MAP3K20: variants seen among roughly 807,000 people sequenced by gnomAD.
MAP3K20 encodes the protein mitogen-activated protein kinase kinase kinase 20, also known as HCCS-4.
A neutral mutation model predicts 85.7 loss-of-function variants in MAP3K20; 40 were observed. The ratio of observed to expected loss-of-function variants is 0.47; its 90% CI spans 0.36 to 0.61. The LOEUF (loss-of-function observed/expected upper bound fraction) is 0.61. Among genes scored for constraint, MAP3K20 ranks in the 20% least tolerant of loss-of-function variants. The pLI, the probability that MAP3K20 is intolerant of heterozygous loss-of-function variation, is 0.00. For missense variants in MAP3K20, 817 were observed against 961.7 expected (o/e 0.85, Z 1.99); for synonymous variants, 325 against 327.7 (o/e 0.99, Z 0.09).
chr2:173,234,676 G>A (rs1206707267), intron 14 of MAP3K20, among the ~76,000 whole-genome samples: 2 of 152,170 alleles, frequency 1.3e-5, no homozygotes, highest in African/African-American at 4.8e-5. Context: ...GAATGTGGAG[G>A]AACAGAAAAG....
intron 1 of MAP3K20, among the ~76,000 whole-genome samples, chr2:173,076,208 A>G (rs1018830942): frequency 8.6e-5 from 13 of 151,436 alleles, no homozygotes; most frequent in Non-Finnish European, 1.0e-4. Flanking sequence ...CGAGCGAGCG[A>G]GCGTTCGCGG....
At chr2:173,262,558 C>G (rs1260417027) in intron 18 of MAP3K20, among the ~76,000 whole-genome samples, 1 of 151,778 alleles carries the variant, frequency 6.6e-6, no homozygotes, top group Admixed American at 6.6e-5. Flanking sequence ...TGAGATTGCG[C>G]CATTGCACTC....
intron 5 of MAP3K20, among the ~76,000 whole-genome samples, chr2:173,189,577 AT>A (rs1352445017): frequency 6.6e-6 from 1 of 152,138 alleles, no homozygotes; most frequent in African/African-American, 2.4e-5. Flanking sequence ...CCACATAGAT[AT>A]TTTTTAAGAC....
At chr2:173,167,069 C>T (rs1471765798) in intron 2 of MAP3K20, among the ~76,000 whole-genome samples, 1 of 151,980 alleles carries the variant, frequency 6.6e-6, no homozygotes, top group Non-Finnish European at 1.5e-5. Context: ...CCCGCTACCA[C>T]GCCCGGCTAA....
At chr2:173,161,642 A>G (rs1689660946) in intron 2 of MAP3K20, among the ~76,000 whole-genome samples, 2 of 152,222 alleles carry the variant, frequency 1.3e-5, no homozygotes, top group Non-Finnish European at 2.9e-5. Flanking sequence ...GTAGCAGACC[A>G]TAGGAGCAGA....
At chr2:173,225,921 GA>G (rs1327606300) in intron 11 of MAP3K20, 14 of 858,192 alleles carry the variant, frequency 1.6e-5, no homozygotes, top group South Asian at 1.0e-4. Context: ...AAAAAAAAAA[GA>G]AAAAAAACTC....
rs1035630146 is a variant in MAP3K20 at position 173,224,619 on chromosome 2, C to T, written c.988-5070C>T. ...GGAATTAGAATACAGCAGAATTGGC[C>T]TCAGTGAAGAGCTTAAAATTGTTCT... On this transcript the variant is annotated intron_variant, in intron 11 of 19. Coordinates refer to ENST00000375213, the MANE Select transcript of MAP3K20 (RefSeq NM_016653.3). 3.0e-6 allele frequency: 3 copies of T among 985,064 alleles called. No individual in the cohort carries two copies. In the African/African-American group the frequency reaches 5.2e-5, roughly 17 times the overall value. The allele number at this position is 985,064 out of a possible 1,614,324, so 61.0% of individuals were successfully genotyped here.
At chr2:173,105,689 T>C (rs997037255) in intron 2 of MAP3K20, among the ~76,000 whole-genome samples, 3 of 152,136 alleles carry the variant, frequency 2.0e-5, no homozygotes, top group East Asian at 1.9e-4. Flanking sequence ...ATTCCACTTA[T>C]ATGAGGTACC....
intron 2 of MAP3K20, among the ~76,000 whole-genome samples, chr2:173,104,037 A>G (rs1374150194): frequency 2.0e-5 from 3 of 152,220 alleles, no homozygotes; most frequent in African/African-American, 4.8e-5. Context: ...AATGTGGGGA[A>G]TAAGAAAATA....
chr2:173,263,726 C>CGTTT lies in MAP3K20; in HGVS notation c.1552-10_1552-7dup. 6.3e-7 allele frequency: 1 copy of CGTTT among 1,589,332 alleles called. No homozygotes were observed. Among genetic ancestry groups the CGTTT allele is most frequent in the East Asian group, 2.3e-5 (1 of 44,162 alleles). ...CTATTTGTCTTTTTTTTGTCTTTTTCGTTTGTTTGTTTTACCAGAGTGATG... is the reference window on the plus strand; with the variant it reads ...CTATTTGTCTTTTTTTTGTCTTTTTCGTTTGTTTGTTTGTTTTACCAGAGTGATG... On this transcript the variant is annotated intron_variant, in intron 18 of 19. Transcript: ENST00000375213.
chr2:173,144,507 GAGAAA>G lies in MAP3K20; in HGVS notation c.160-25291_160-25287del, dbSNP rs1689080969. 2.7e-5 allele frequency among the ~76,000 whole-genome samples: 4 copies of G among 146,394 alleles called. No homozygotes were observed. The South Asian group carries it at 8.8e-4, about 32-fold the overall frequency. ...AAAAGAAAAGAAAGAAAGAAGAGAA[GAGAAA>G]AGAAAAAAAAGAGAAAAGAAAAGAA... On this transcript the variant is annotated intron_variant, in intron 2 of 19. Coordinates refer to ENST00000375213, the MANE Select transcript of MAP3K20 (RefSeq NM_016653.3).
At chr2:173,141,763 C>T (rs1310887119) in intron 2 of MAP3K20, among the ~76,000 whole-genome samples, 2 of 152,110 alleles carry the variant, frequency 1.3e-5, no homozygotes, top group South Asian at 4.2e-4. Context: ...CCAGAAACAC[C>T]ACACTCAGTC....
At chr2:173,110,656 A>G (rs1687944985) in intron 2 of MAP3K20, among the ~76,000 whole-genome samples, 1 of 152,008 alleles carries the variant, frequency 6.6e-6, no homozygotes. Context: ...CCCACATATC[A>G]GTGAGAATAT....
chr2:173,181,379 A>G (rs1690320708), intron 3 of MAP3K20, among the ~76,000 whole-genome samples: 1 of 149,712 alleles, frequency 6.7e-6, no homozygotes, highest in African/African-American at 2.5e-5. Context: ...AAAAAAAAAG[A>G]CAATATCAAA....
chr2:173,253,262 G>A (rs1685082185), intron 16 of MAP3K20, among the ~76,000 whole-genome samples: 1 of 152,178 alleles, frequency 6.6e-6, no homozygotes, highest in Admixed American at 6.5e-5. Context: ...TGGTAATAAT[G>A]ATAATTATTC....
chr2:173,221,867 T>A (rs746406395), intron 11 of MAP3K20: 8 of 1,006,104 alleles, frequency 8.0e-6, no homozygotes, highest in Non-Finnish European at 9.5e-6. Flanking sequence ...TATTTGACTT[T>A]ATTTCCTTTA....
chr2:173,106,493 A>G (rs751804668), intron 2 of MAP3K20, among the ~76,000 whole-genome samples: 1 of 152,242 alleles, frequency 6.6e-6, no homozygotes, highest in Non-Finnish European at 1.5e-5. Flanking sequence ...TATTGAAAAA[A>G]TTGAGAACCA....
chr2:173,140,035 GA>G (rs1203285837), intron 2 of MAP3K20, among the ~76,000 whole-genome samples: 1 of 151,796 alleles, frequency 6.6e-6, no homozygotes, highest in African/African-American at 2.4e-5. Flanking sequence ...TTATTAGATG[GA>G]GTTTCACTCT....
At chr2:173,147,104 C>T (rs1689159861) in intron 2 of MAP3K20, among the ~76,000 whole-genome samples, 1 of 152,120 alleles carries the variant, frequency 6.6e-6, no homozygotes, top group Non-Finnish European at 1.5e-5. Context: ...ACATACTAGT[C>T]CCTTATCAGG....
Sources: allele counts gnomAD v4.1 joint callset (sites outside exome capture counted in the v4.1 genomes callset), GRCh38; gene constraint gnomAD v4.1.1; transcripts MANE v1.5; gene names NCBI Gene and HGNC (gene_info 2026-07-23, HGNC 2026-07-21).